The following COLEC11 variants were observed in gnomAD, a reference collection of about 807,000 sequenced individuals.
COLEC11 encodes collectin subfamily member 11.
In COLEC11, 20 loss-of-function variants were observed where a neutral mutation model predicts 27.3. The ratio of observed to expected loss-of-function variants is 0.73; its 90% CI spans 0.51 to 1.06. The LOEUF (loss-of-function observed/expected upper bound fraction) is 1.06, where lower values mean the gene tolerates loss of function less well. Ranked by LOEUF, COLEC11 falls within the 50% of genes least tolerant of loss-of-function variation. The pLI is 0.00. For missense variants in COLEC11, 310 were observed against 383.0 expected (o/e 0.81, Z 1.59); for synonymous variants, 163 against 154.7 (o/e 1.05, Z -0.40).
rs115222089 is a variant in COLEC11 at position 3,617,966 on chromosome 2, A to G, written c.202+4584A>G. Reference sequence around the variant, plus strand: ...TGATGATGTTGACCACCTTTCCATAAACCTGTTGGACATTTGTATGTCTTC... The same window carrying G: ...TGATGATGTTGACCACCTTTCCATAGACCTGTTGGACATTTGTATGTCTTC... On this transcript the variant is annotated intron_variant, in intron 3 of 6. Transcript: ENST00000349077. Among the ~76,000 whole-genome samples the G allele has an allele frequency of 4.4e-3, 673 of 152,276 alleles. 4 individuals are homozygous for G. The highest frequency in any genetic ancestry group is 0.015 in the African/African-American group (642 of 41,538).
chr2:3,632,691 G>A (rs1241210881), intron 3 of COLEC11, among the ~76,000 whole-genome samples: 1 of 152,218 alleles, frequency 6.6e-6, no homozygotes, highest in African/African-American at 2.4e-5. Flanking sequence ...GGGACGTTGT[G>A]AAGCTGAAAT....
At position 3,641,253 on chromosome 2, in the gene COLEC11, G is replaced by A. The variant is rs148570408; in HGVS notation, c.328+922G>A. 2.9e-5 allele frequency: 38 copies of A among 1,304,316 alleles called. No individual in the cohort carries two copies. The East Asian group carries it at 1.5e-3, about 51-fold the overall frequency. 80.8% of individuals were successfully genotyped at this position (1,304,316 alleles called of 1,614,324 possible). On this transcript the variant is annotated intron_variant, in intron 5 of 6. Coordinates refer to ENST00000349077, the MANE Select transcript of COLEC11 (RefSeq NM_024027.5). ...TTGTTTTAAAAGCTCCTTCGGCACC[G>A]CAGAGATGAGGAGGAACGGCTGCTT...
intron 3 of COLEC11, among the ~76,000 whole-genome samples, chr2:3,621,043 G>T (rs1022462191): frequency 6.6e-6 from 1 of 152,242 alleles, no homozygotes; most frequent in East Asian, 1.9e-4. Flanking sequence ...AGCTCCATTC[G>T]GTCTAAAGTG....
intron 1 of COLEC11, among the ~76,000 whole-genome samples, chr2:3,596,249 A>G (rs1318174280): frequency 6.6e-6 from 1 of 151,976 alleles, no homozygotes; most frequent in East Asian, 1.9e-4. Context: ...TGCCTGTAAG[A>G]TGCTGGGCCT....
intron 2 of COLEC11, among the ~76,000 whole-genome samples, chr2:3,609,981 CAGATT>C (rs1663063073): frequency 6.6e-6 from 1 of 152,246 alleles, no homozygotes; most frequent in Non-Finnish European, 1.5e-5. Context: ...TTTTAAAAAT[CAGATT>C]AGAGACAGGC....
intron 2 of COLEC11, among the ~76,000 whole-genome samples, chr2:3,612,496 C>A (rs1231519370): frequency 6.9e-6 from 1 of 145,068 alleles, no homozygotes. Flanking sequence ...TAGGGAAAGA[C>A]CGGGGTCCGA....
At chr2:3,600,973 A>G (rs552622826) in intron 1 of COLEC11, among the ~76,000 whole-genome samples, 1 of 152,252 alleles carries the variant, frequency 6.6e-6, no homozygotes, top group South Asian at 2.1e-4. Flanking sequence ...GCGGGCTCCC[A>G]TCCACGCCCC....
Position 3,644,003 on chromosome 2 carries a change from A to G in COLEC11, c.701A>G (p.Asn234Ser). 6.2e-7 allele frequency: 1 copy of G among 1,614,106 alleles called. No individual in the cohort carries two copies. Among genetic ancestry groups the G allele is most frequent in the Non-Finnish European group, 8.5e-7 (1 of 1,180,050 alleles). ...TFNKWRSGEP[N>S]NAYDEEDCVE... ...AACAAGTGGCGCAGCGGTGAGCCCAACAATGCCTACGACGAGGAGGACTGC... is the reference window on the plus strand; with the variant it reads ...AACAAGTGGCGCAGCGGTGAGCCCAGCAATGCCTACGACGAGGAGGACTGC... Residue 234 changes from asparagine (N) to serine (S), a missense_variant, in exon 7 of 7, where the codon AAC (asparagine) becomes AGC (serine). Transcript: ENST00000349077.
intron 1 of COLEC11, among the ~76,000 whole-genome samples, chr2:3,600,141 G>A (rs1414569220): frequency 2.0e-5 from 3 of 151,778 alleles, no homozygotes; most frequent in Admixed American, 6.6e-5. Flanking sequence ...AAGCTGAGGC[G>A]GGAGAATGGC....
In COLEC11 at chr2:3,617,582, G is replaced by A. The variant is rs933288796; in HGVS notation, c.202+4200G>A. 5.7e-5 allele frequency: 92 copies of A among 1,609,882 alleles called. No individual in the cohort carries two copies. In the African/African-American group the frequency reaches 6.8e-4, roughly 12 times the overall value. On this transcript the variant is annotated intron_variant, in intron 3 of 6. Transcript: ENST00000349077. ...GCCTGCTTGCTTCTCCTGTTCAGTCGTTTCTTTGGAAGGCAGTGGATTTTT... is the reference window on the plus strand; with the variant it reads ...GCCTGCTTGCTTCTCCTGTTCAGTCATTTCTTTGGAAGGCAGTGGATTTTT...
At chr2:3,632,520 G>A (rs1469325855) in intron 3 of COLEC11, among the ~76,000 whole-genome samples, 2 of 152,272 alleles carry the variant, frequency 1.3e-5, no homozygotes, top group South Asian at 2.1e-4. Context: ...GCACAATCCC[G>A]GCCTCTCTTT....
At chr2:3,597,445 A>G (rs1175895056) in intron 1 of COLEC11, among the ~76,000 whole-genome samples, 1 of 152,062 alleles carries the variant, frequency 6.6e-6, no homozygotes, top group African/African-American at 2.4e-5. Flanking sequence ...GGATCAGCAG[A>G]TGAGTGTGAG....
intron 1 of COLEC11, chr2:3,603,665 A>G: frequency 1.3e-6 from 2 of 1,551,114 alleles, no homozygotes; most frequent in East Asian, 4.9e-5. Context: ...CAAAGAGGTC[A>G]GCACGTACCC....
intron 3 of COLEC11, among the ~76,000 whole-genome samples, chr2:3,630,025 ATG>A (rs946948149): frequency 4.0e-4 from 61 of 151,936 alleles, no homozygotes; most frequent in Middle Eastern, 3.4e-3. Flanking sequence ...ATGTGTATGT[ATG>A]TGTGTTTTTA....
intron 3 of COLEC11, chr2:3,617,610 CTT>C (rs1246373126): frequency 2.6e-5 from 42 of 1,612,086 alleles, no homozygotes; most frequent in East Asian, 4.5e-5. Flanking sequence ...GGATTTTTCT[CTT>C]GAGTCTCTGT....
At chr2:3,605,797 A>G in intron 2 of COLEC11, 1 of 309,426 alleles carries the variant, frequency 3.2e-6, no homozygotes. Context: ...CCCGTGTTGT[A>G]CAAAATGAAA....
intron 3 of COLEC11, among the ~76,000 whole-genome samples, chr2:3,633,148 C>T (rs2147942374): frequency 6.6e-6 from 1 of 152,318 alleles, no homozygotes; most frequent in Non-Finnish European, 1.5e-5. Flanking sequence ...CCACACAGCT[C>T]CTCCCTGGAG....
rs578193637 is a variant in COLEC11 at position 3,603,555 on chromosome 2, G to T, written c.-26-760G>T. On this transcript the variant is annotated intron_variant, in intron 1 of 6. Coordinates refer to ENST00000349077, the MANE Select transcript of COLEC11 (RefSeq NM_024027.5). ...TGGTCTCGAACTCCCGACTTTAGGT[G>T]ATCTGCCCACCTCAGCCTCCCAAAG... The T allele has an allele frequency of 4.1e-6, 5 of 1,213,600 alleles. No individual in the cohort carries two copies. In the African/African-American group the frequency reaches 7.6e-5, roughly 18 times the overall value. The allele number at this position is 1,213,600 out of a possible 1,614,324, so 75.2% of individuals were successfully genotyped here.
intron 3 of COLEC11, among the ~76,000 whole-genome samples, chr2:3,616,868 C>T (rs1663794340): frequency 6.6e-6 from 1 of 152,118 alleles, no homozygotes. Context: ...AGCGTAATGC[C>T]CTCCAGGTTC....
Sources: allele counts gnomAD v4.1 joint callset (sites outside exome capture counted in the v4.1 genomes callset), GRCh38; gene constraint gnomAD v4.1.1; transcripts MANE v1.5; gene names NCBI Gene and HGNC (gene_info 2026-07-23, HGNC 2026-07-21).